Variants in NDFIP1 observed in about 807,000 individuals in gnomAD.
The protein encoded by NDFIP1 is NEDD4 family-interacting protein 1.
NDFIP1 carries 7 observed loss-of-function variants against 28.8 expected under a neutral mutation model. The observed-to-expected ratio is 0.24, with a 90% CI of 0.14 to 0.46. The LOEUF is 0.46. Among genes scored for constraint, NDFIP1 ranks in the 20% least tolerant of loss-of-function variants. The pLI is 0.99. For synonymous variants in NDFIP1, 92 were observed against 101.0 expected (o/e 0.91, Z 0.53); for missense variants, 194 against 269.1 (o/e 0.72, Z 1.95).
Position 142,108,855 on chromosome 5 carries a change from G to C in NDFIP1, c.-120G>C. On this transcript the variant is annotated 5_prime_UTR_variant, in exon 1 of 8. Coordinates refer to ENST00000253814, the MANE Select transcript of NDFIP1 (RefSeq NM_030571.4). Reference sequence around the variant, plus strand: ...GAGCGTCTCGCCCGGGAGCGGCGGCGGCCATCGAGACCCACCCAAGGCGCG... The same window carrying C: ...GAGCGTCTCGCCCGGGAGCGGCGGCCGCCATCGAGACCCACCCAAGGCGCG... 6 of 793,928 alleles carry C rather than the reference G, an allele frequency of 7.6e-6. No homozygotes were observed. Among genetic ancestry groups the C allele is most frequent in the African/African-American group, 1.8e-5 (1 of 54,946 alleles). 49.2% of individuals were successfully genotyped at this position (793,928 alleles called of 1,614,324 possible). A position where few individuals can be genotyped will look rare whatever the true frequency, so the allele number is the denominator to read the frequency against.
chr5:142,123,433 C>A (rs540123692), intron 1 of NDFIP1, among the ~76,000 whole-genome samples: 1 of 152,256 alleles, frequency 6.6e-6, no homozygotes, highest in East Asian at 1.9e-4. Flanking sequence ...CATGTCCAGC[C>A]ATAAAATAAT....
Position 142,151,821 on chromosome 5 carries a change from CAG to C in NDFIP1, c.*96_*97del, listed in dbSNP as rs1331863765. On this transcript the variant is annotated 3_prime_UTR_variant, in exon 8 of 8. Coordinates refer to ENST00000253814, the MANE Select transcript of NDFIP1 (RefSeq NM_030571.4). ...AGGAAGTGAATCAAGATGCAGAACA[CAG>C]AGGAATAATCACCTGCTTTAAAAAA... is the stretch of plus-strand genomic sequence containing the variant. The C allele has an allele frequency of 6.5e-6, 1 of 152,762 alleles. No individual in the cohort carries two copies. Among genetic ancestry groups the C allele is most frequent in the African/African-American group, 2.4e-5 (1 of 41,440 alleles). 9.5% of individuals were successfully genotyped at this position (152,762 alleles called of 1,614,324 possible).
intron 7 of NDFIP1, among the ~76,000 whole-genome samples, chr5:142,150,356 C>T (rs1317329682): frequency 6.6e-6 from 1 of 151,432 alleles, no homozygotes; most frequent in East Asian, 1.9e-4. Flanking sequence ...CTGTGCTTTC[C>T]GAGGTCTTTC....
At chr5:142,114,841 T>G (rs1399592269) in intron 1 of NDFIP1, among the ~76,000 whole-genome samples, 1 of 152,208 alleles carries the variant, frequency 6.6e-6, no homozygotes, top group Non-Finnish European at 1.5e-5. Flanking sequence ...CAGTGATAGA[T>G]TCCTGTTAAT....
At chr5:142,132,149 TG>T (rs1260794113) in intron 2 of NDFIP1, 62 bp from the exon 3 acceptor site, 1 of 1,578,132 alleles carries the variant, frequency 6.3e-7, no homozygotes, top group Non-Finnish European at 8.6e-7. Context: ...CTAGAGTTAG[TG>T]GAACTCCTTT....
chr5:142,126,520 G>A (rs1360261015), intron 1 of NDFIP1, among the ~76,000 whole-genome samples: 4 of 152,090 alleles, frequency 2.6e-5, no homozygotes, highest in Admixed American at 6.5e-5. Context: ...TATTTTTCAC[G>A]TGCTTTGTTT....
At chr5:142,150,118 T>G (rs1256822222) in intron 7 of NDFIP1, among the ~76,000 whole-genome samples, 2 of 150,682 alleles carry the variant, frequency 1.3e-5, no homozygotes, top group Non-Finnish European at 2.9e-5. Flanking sequence ...GGGGCGGAGC[T>G]TGCAGTGAGC....
At chr5:142,150,107 G>C (rs1757429687) in intron 7 of NDFIP1, among the ~76,000 whole-genome samples, 1 of 151,138 alleles carries the variant, frequency 6.6e-6, no homozygotes, top group African/African-American at 2.4e-5. Flanking sequence ...CATGAACCCG[G>C]GGGGCGGAGC....
rs371100930 is a variant in NDFIP1, at chr5:142,117,036, C to G, written c.63+7999C>G. ...CATATGTATAATATATTTCTTATCC[C>G]CCTCCCCGAGCAATTTAGCATAATC... is the stretch of plus-strand genomic sequence containing the variant. On this transcript the variant is annotated intron_variant, in intron 1 of 7. Coordinates refer to ENST00000253814, the MANE Select transcript of NDFIP1 (RefSeq NM_030571.4). Among the ~76,000 whole-genome samples, 43 of 151,934 alleles carry G rather than the reference C, an allele frequency of 2.8e-4. No individual in the cohort carries two copies. The East Asian group carries it at 5.7e-3, about 20-fold the overall frequency.
rs180840164 is a variant in NDFIP1, at chr5:142,126,579, A to G, written c.64-5229A>G. 4.2e-3 allele frequency among the ~76,000 whole-genome samples: 638 copies of G among 152,294 alleles called. 3 individuals carry two copies. The highest frequency in any genetic ancestry group is 7.7e-3 in the Non-Finnish European group (527 of 68,024). ...TGTATGTTGATACCTTTTCTCATATATAAGGATTTATGGGTTTTGTTTAGT... is the reference window on the plus strand; with the variant it reads ...TGTATGTTGATACCTTTTCTCATATGTAAGGATTTATGGGTTTTGTTTAGT... On this transcript the variant is annotated intron_variant, in intron 1 of 7. Transcript: ENST00000253814.
intron 1 of NDFIP1, among the ~76,000 whole-genome samples, chr5:142,128,932 C>T (rs1173754267): frequency 6.6e-6 from 1 of 152,102 alleles, no homozygotes; most frequent in African/African-American, 2.4e-5. Flanking sequence ...TTCCAGGAGA[C>T]AGGCAGCCTA....
chr5:142,117,842 C>CT (rs1158615484), intron 1 of NDFIP1, among the ~76,000 whole-genome samples: 2 of 149,792 alleles, frequency 1.3e-5, no homozygotes, highest in Admixed American at 6.7e-5. Flanking sequence ...TTAACCTTTC[C>CT]TTGGCTTTAA....
At chr5:142,146,400 G>A (rs1043957832) in intron 7 of NDFIP1, among the ~76,000 whole-genome samples, 1 of 152,152 alleles carries the variant, frequency 6.6e-6, no homozygotes, top group Admixed American at 6.6e-5. Context: ...ATTCTTTGCA[G>A]TTTTATTTAG....
chr5:142,152,945 C>G lies in NDFIP1; in HGVS notation c.*1217C>G, dbSNP rs148795940. On this transcript the variant is annotated 3_prime_UTR_variant, in exon 8 of 8. Coordinates refer to ENST00000253814, the MANE Select transcript of NDFIP1 (RefSeq NM_030571.4). ...AAGTCCTCTTATATCCTACTAAATA[C>G]ATTCCTAAAAATGTATTTGAACATT... 134 of 242,334 alleles carry G rather than the reference C, an allele frequency of 5.5e-4. No homozygotes were observed. The highest frequency in any genetic ancestry group is 3.0e-3 in the African/African-American group (132 of 43,586). The allele number at this position is 242,334 out of a possible 1,614,324, so 15.0% of individuals were successfully genotyped here. A position where few individuals can be genotyped will look rare whatever the true frequency, so the allele number is the denominator to read the frequency against.
chr5:142,116,308 A>ATATT (rs1313887380), intron 1 of NDFIP1, among the ~76,000 whole-genome samples: 3 of 151,116 alleles, frequency 2.0e-5, no homozygotes, highest in Non-Finnish European at 3.0e-5. Context: ...CTTCATATGT[A>ATATT]TATTTATTTA....
chr5:142,112,420 C>T (rs7700687), intron 1 of NDFIP1, among the ~76,000 whole-genome samples: 101,166 of 150,680 alleles, frequency 0.67, 34,194 homozygotes, highest in African/African-American at 0.76. Context: ...ACATCTGTAA[C>T]TCCAGCTACT....
chr5:142,126,780 T>A (rs1412100752), intron 1 of NDFIP1, among the ~76,000 whole-genome samples: 2 of 152,150 alleles, frequency 1.3e-5, no homozygotes, highest in Non-Finnish European at 1.5e-5. Context: ...AACTGCTTAG[T>A]GAGGAGGGCG....
intron 1 of NDFIP1, among the ~76,000 whole-genome samples, chr5:142,123,703 T>TA (rs1198575338): frequency 2.0e-5 from 3 of 152,246 alleles, no homozygotes; most frequent in Admixed American, 2.0e-4. Context: ...ATGAGTCTGA[T>TA]ACAGCCATTA....
chr5:142,137,527 TA>T (rs1046974495), intron 4 of NDFIP1, among the ~76,000 whole-genome samples: 2 of 152,210 alleles, frequency 1.3e-5, no homozygotes, highest in Non-Finnish European at 2.9e-5. Flanking sequence ...CATAAGTGTG[TA>T]AAACCTGATA....
Sources: allele counts gnomAD v4.1 joint callset (sites outside exome capture counted in the v4.1 genomes callset), GRCh38; gene constraint gnomAD v4.1.1; transcripts MANE v1.5; gene names NCBI Gene and HGNC (gene_info 2026-07-23, HGNC 2026-07-21).